TNNI1: variants seen among roughly 807,000 people sequenced by gnomAD.
The protein encoded by TNNI1 is troponin I1, slow skeletal type, also known as troponin I, slow skeletal muscle.
Under a neutral mutation model 26.7 loss-of-function variants are expected in TNNI1, and 14 were observed. That is an observed-to-expected ratio of 0.52 (90% CI 0.35 to 0.82). TNNI1 has a LOEUF of 0.82. Ranked by LOEUF, TNNI1 falls within the 40% of genes least tolerant of loss-of-function variation. The pLI is 0.01. For missense variants in TNNI1, 164 were observed against 257.0 expected, an observed-to-expected ratio of 0.64 and a Z score of 2.47; for synonymous variants, 79 against 98.2, an observed-to-expected ratio of 0.80 and a Z score of 1.16.
intron 8 of TNNI1, 156 bp downstream of exon 8, chr1:201,410,170 C>T (rs960386006): frequency 8.0e-6 from 5 of 623,692 alleles, no homozygotes; most frequent in Non-Finnish European, 1.4e-5. Context: ...GGAGCCAGGA[C>T]TGAGCCCAGG....
intron 1 of TNNI1, among the ~76,000 whole-genome samples, chr1:201,419,215 C>T (rs2102374233): frequency 6.6e-6 from 1 of 152,382 alleles, no homozygotes; most frequent in Admixed American, 6.5e-5. Flanking sequence ...GGACACTTGG[C>T]TGTGGAATAC....
rs532059139 is a variant in TNNI1 at position 201,412,553 on chromosome 1, C to T, written c.279+479G>A. Among the ~76,000 whole-genome samples the T allele has an allele frequency of 1.3e-3, 194 of 152,270 alleles. 2 individuals are homozygous for T. Among genetic ancestry groups the T allele is most frequent in the African/African-American group, 4.6e-3 (192 of 41,556 alleles). ...CCCCATGCTAAGGGAGCACAGAGCA[C>T]CGGAGTGGAAGCCAGAGACCAGCAC... On this transcript the variant is annotated intron_variant, in intron 6 of 8. Transcript: ENST00000361379.
chr1:201,416,574 G>C (rs1166032506), intron 3 of TNNI1, among the ~76,000 whole-genome samples: 2 of 152,144 alleles, frequency 1.3e-5, no homozygotes, highest in African/African-American at 4.8e-5. Flanking sequence ...ACTGTACATA[G>C]GCTGTGATCT....
In TNNI1 at chr1:201,405,996, G is replaced by C. The variant is rs1662508104; in HGVS notation, c.*3257C>G. 2.0e-5 allele frequency: 3 copies of C among 152,480 alleles called. No homozygotes were observed. The South Asian group carries it at 6.2e-4, about 32-fold the overall frequency. 9.4% of individuals were successfully genotyped at this position (152,480 alleles called of 1,614,324 possible). On this transcript the variant is annotated 3_prime_UTR_variant, in exon 9 of 9. Coordinates refer to ENST00000361379, the MANE Select transcript of TNNI1 (RefSeq NM_003281.4). ...AGGAAGGCCTCACCTTAGCCCATCT[G>C]TATGTCACCTGCATCTCCTTTGAAT...
At position 201,415,230 on chromosome 1, in the gene TNNI1, G is replaced by A. The variant is rs771077280; in HGVS notation, c.40C>T (p.Arg14Cys). 32 of 1,613,930 alleles carry A rather than the reference G, an allele frequency of 2.0e-5. No homozygotes were observed. Among genetic ancestry groups the A allele is most frequent in the East Asian group, 1.1e-4 (5 of 44,898 alleles). ...AGCCTCACCTTCAGCAAGAGTTTGC[G>A]GGAGGCAGTGATCTTGGGTTTTCTC... is the stretch of plus-strand genomic sequence containing the variant. ...VERKPKITAS[R>C]KLLLKSLMLA... Residue 14 changes from arginine (R) to cysteine (C), a missense_variant, in exon 4 of 9, where the codon CGC (arginine) becomes TGC (cysteine). Transcript: ENST00000361379.
intron 3 of TNNI1, among the ~76,000 whole-genome samples, chr1:201,416,023 C>T (rs566166946): frequency 6.6e-6 from 1 of 152,200 alleles, no homozygotes; most frequent in East Asian, 1.9e-4. Context: ...AGGAAGCATC[C>T]TACCTAGACT....
At chr1:201,412,966 C>T in intron 6 of TNNI1, 66 bp downstream of exon 6, 2 of 1,511,604 alleles carry the variant, frequency 1.3e-6, no homozygotes, top group Non-Finnish European at 9.2e-7. Flanking sequence ...CCCATGGCTG[C>T]TGCATCCGTG....
At chr1:201,420,695 G>A (rs559139031) in intron 1 of TNNI1, among the ~76,000 whole-genome samples, 14 of 150,466 alleles carry the variant, frequency 9.3e-5, no homozygotes, top group Admixed American at 2.0e-4. Context: ...CCTGCTCCCC[G>A]CCCCCTGACC....
At chr1:201,417,948 G>A in intron 1 of TNNI1, 136 bp from the exon 2 acceptor site, 1 of 588,652 alleles carries the variant, frequency 1.7e-6, no homozygotes, top group Non-Finnish European at 2.6e-6. Flanking sequence ...ATTCCAGCAG[G>A]TCAAGATGGG....
intron 1 of TNNI1, among the ~76,000 whole-genome samples, chr1:201,418,196 C>T (rs906332130): frequency 4.6e-5 from 7 of 151,998 alleles, no homozygotes; most frequent in Non-Finnish European, 8.8e-5. Flanking sequence ...AGCAGCTGGG[C>T]GCAGTGGCTC....
At position 201,404,707 on chromosome 1, in the gene TNNI1, T is replaced by TG. The variant is rs1662482371; in HGVS notation, c.*4545dup. The TG allele has an allele frequency of 6.6e-6, 1 of 152,200 alleles. No individual in the cohort carries two copies. Among genetic ancestry groups the TG allele is most frequent in the South Asian group, 2.1e-4 (1 of 4,828 alleles). 9.4% of individuals were successfully genotyped at this position (152,200 alleles called of 1,614,324 possible). A position where few individuals can be genotyped will look rare whatever the true frequency, so the allele number is the denominator to read the frequency against. On this transcript the variant is annotated 3_prime_UTR_variant, in exon 9 of 9. Coordinates refer to ENST00000361379, the MANE Select transcript of TNNI1 (RefSeq NM_003281.4). ...ATTTGTGGCCCTGGTTTCCTCCTTGTGGGGTGGAGCAGTTGAAATTTAGGT... is the reference window on the plus strand; with the variant it reads ...ATTTGTGGCCCTGGTTTCCTCCTTGTGGGGGTGGAGCAGTTGAAATTTAGGT...
intron 8 of TNNI1, chr1:201,409,822 C>T (rs144277705): frequency 1.3e-3 from 199 of 152,590 alleles, no homozygotes; most frequent in Non-Finnish European, 1.9e-3. Flanking sequence ...CTGGGTACTT[C>T]GCAGGGAGCA....
rs1449005452 is a variant in TNNI1, at chr1:201,409,008, GC to G, written c.*244del. On this transcript the variant is annotated 3_prime_UTR_variant, in exon 9 of 9. Transcript: ENST00000361379. ...TGTTACACCACGGGGTGGCTGAGAA[GC>G]CCCAGGTGCCTCATGGGTGGATAGA... 1 of 152,276 alleles carries G rather than the reference GC, an allele frequency of 6.6e-6. No homozygotes were observed. Among genetic ancestry groups the G allele is most frequent in the Non-Finnish European group, 1.5e-5 (1 of 68,082 alleles). 9.4% of individuals were successfully genotyped at this position (152,276 alleles called of 1,614,324 possible).
In TNNI1 at chr1:201,406,944, G is replaced by A. The variant is rs1167254623; in HGVS notation, c.*2309C>T. The A allele has an allele frequency of 6.6e-6, 1 of 152,316 alleles. No individual in the cohort carries two copies. The allele number at this position is 152,316 out of a possible 1,614,324, so 9.4% of individuals were successfully genotyped here. On this transcript the variant is annotated 3_prime_UTR_variant, in exon 9 of 9. Transcript: ENST00000361379. ...CCTAGAGGGCCACTGGCTTAGGTGTGTTGAGTGGGCCCCACCTCCTCCTCC... is the reference window on the plus strand; with the variant it reads ...CCTAGAGGGCCACTGGCTTAGGTGTATTGAGTGGGCCCCACCTCCTCCTCC...
At position 201,411,338 on chromosome 1, in the gene TNNI1, C is replaced by T. The variant is rs1204471082; in HGVS notation, c.456+19G>A. 2 of 1,612,770 alleles carry T rather than the reference C, an allele frequency of 1.2e-6. No homozygotes were observed. Among genetic ancestry groups the T allele is most frequent in the Non-Finnish European group, 1.7e-6 (2 of 1,179,510 alleles). On this transcript the variant is annotated intron_variant, in intron 7 of 8. Coordinates refer to ENST00000361379, the MANE Select transcript of TNNI1 (RefSeq NM_003281.4). This position sits in a 1 kb window ranked among gnomAD's most constrained non-coding sequence, Gnocchi z 4.6. ...CTGGTAGGGCAGAGGGTGGAATGTT[C>T]TGAGGAAAGGGACCTCACCTTCTCT... is the stretch of plus-strand genomic sequence containing the variant.
At chr1:201,414,738 A>C in intron 4 of TNNI1, 89 bp from the exon 5 acceptor site, 1 of 1,562,818 alleles carries the variant, frequency 6.4e-7, no homozygotes, top group Non-Finnish European at 8.7e-7. Context: ...GCCTGGGCCA[A>C]CTCTGAGACC....
At chr1:201,414,404 G>T in intron 5 of TNNI1, 114 bp downstream of exon 5, 1 of 929,658 alleles carries the variant, frequency 1.1e-6, no homozygotes, top group East Asian at 2.8e-5. Flanking sequence ...GGAGTGCCCT[G>T]TAAATTATGG....
intron 1 of TNNI1, among the ~76,000 whole-genome samples, chr1:201,419,219 G>A (rs1662812847): frequency 1.3e-5 from 2 of 152,234 alleles, no homozygotes; most frequent in African/African-American, 4.8e-5. Flanking sequence ...ACTTGGCTGT[G>A]GAATACAATT....
chr1:201,408,963 C>G lies in TNNI1; in HGVS notation c.*290G>C, dbSNP rs901071020. The G allele has an allele frequency of 6.6e-6, 1 of 152,204 alleles. No individual in the cohort carries two copies. Among genetic ancestry groups the G allele is most frequent in the Non-Finnish European group, 1.5e-5 (1 of 68,058 alleles). 9.4% of individuals were successfully genotyped at this position (152,204 alleles called of 1,614,324 possible). A position where few individuals can be genotyped will look rare whatever the true frequency, so the allele number is the denominator to read the frequency against. On this transcript the variant is annotated 3_prime_UTR_variant, in exon 9 of 9. Transcript: ENST00000361379. ...CAGGGCTGGAGGAAAGGTGTTCTCA[C>G]CCCCTCCTCCTCCTCCACTTGTTAC...
Sources: gnomAD v4.1 joint callset for allele counts (sites outside exome capture counted in the v4.1 genomes callset) on GRCh38, gnomAD v4.1.1 for gene constraint, Gnocchi (gnomAD v3.1) non-coding constraint, MANE v1.5 for transcripts, NCBI Gene and HGNC (gene_info 2026-07-23, HGNC 2026-07-21) for gene names.